The following PRELID2 variants were observed in gnomAD, a reference collection of about 807,000 sequenced individuals.
PRELID2 encodes the protein PRELI domain containing 2.
A neutral mutation model predicts 28.4 loss-of-function variants in PRELID2; 25 were observed. That is an observed-to-expected ratio of 0.88 (90% CI 0.64 to 1.23). PRELID2 has a LOEUF of 1.23. Among genes scored for constraint, PRELID2 ranks in the 50% most tolerant of loss-of-function variants. PRELID2 has a pLI of 0.00. For missense variants in PRELID2, 201 were observed against 214.4 expected, an observed-to-expected ratio of 0.94 and a Z score of 0.39; for synonymous variants, 76 against 71.6, an observed-to-expected ratio of 1.06 and a Z score of -0.31.
chr5:145,240,050 G>A, the PRELID2 span, among the ~76,000 whole-genome samples: 1 of 151,904 alleles, frequency 6.6e-6, no homozygotes, highest in African/African-American at 2.4e-5. Context: ...TGACAACAAG[G>A]TTGCGTCTTT....
At chr5:145,619,146 C>G (rs754104090) in intron 1 of PRELID2, among the ~76,000 whole-genome samples, 3 of 152,204 alleles carry the variant, frequency 2.0e-5, no homozygotes, top group African/African-American at 4.8e-5. Flanking sequence ...GTTCTTCCCC[C>G]ACGTGTGGAG....
At chr5:145,715,065 G>T (rs572442860) in intron 1 of PRELID2, among the ~76,000 whole-genome samples, 17 of 152,196 alleles carry the variant, frequency 1.1e-4, no homozygotes, top group African/African-American at 3.9e-4. Context: ...CTGTATTAAA[G>T]ACTTCAAAAT....
the PRELID2 span, among the ~76,000 whole-genome samples, chr5:145,366,018 C>A: frequency 6.6e-6 from 1 of 151,838 alleles, no homozygotes; most frequent in Non-Finnish European, 1.5e-5. Flanking sequence ...TTTTCTATTT[C>A]TAAAATAGAT....
At chr5:145,254,756 T>C in the PRELID2 span, among the ~76,000 whole-genome samples, 1 of 152,126 alleles carries the variant, frequency 6.6e-6, no homozygotes, top group Admixed American at 6.6e-5. Context: ...TTTTGAACCT[T>C]ACATATAATT....
chr5:145,531,579 G>A (rs141191209), intron 1 of PRELID2, among the ~76,000 whole-genome samples: 18 of 152,242 alleles, frequency 1.2e-4, no homozygotes, highest in African/African-American at 4.1e-4. Flanking sequence ...AGGAGAACAG[G>A]AAAGACAAGG....
intron 1 of PRELID2, among the ~76,000 whole-genome samples, chr5:145,705,994 T>C (rs541264757): frequency 2.6e-5 from 4 of 151,144 alleles, no homozygotes; most frequent in African/African-American, 9.8e-5. Flanking sequence ...TGATTCAAAA[T>C]GTTAGAAAGA....
intron 1 of PRELID2, among the ~76,000 whole-genome samples, chr5:145,629,048 A>G (rs1753896234): frequency 6.6e-6 from 1 of 152,180 alleles, no homozygotes; most frequent in South Asian, 2.1e-4. Flanking sequence ...AAGAGTAAAA[A>G]TTAGTGTTTT....
chr5:145,617,973 T>A (rs751151969), intron 1 of PRELID2, among the ~76,000 whole-genome samples: 3 of 152,168 alleles, frequency 2.0e-5, no homozygotes, highest in Non-Finnish European at 4.4e-5. Context: ...CCTCAGGTGA[T>A]CCACCCACCT....
chr5:145,307,424 T>C, the PRELID2 span, among the ~76,000 whole-genome samples: 2 of 152,294 alleles, frequency 1.3e-5, no homozygotes, highest in African/African-American at 4.8e-5. Context: ...TGATTACACT[T>C]GTTGAAGACC....
At chr5:145,801,093 G>A (rs1753107806) in intron 4 of PRELID2, among the ~76,000 whole-genome samples, 1 of 151,994 alleles carries the variant, frequency 6.6e-6, no homozygotes, top group South Asian at 2.1e-4. Flanking sequence ...TACTTGCTTT[G>A]GTCTTCTTTT....
chr5:145,817,316 T>C (rs1754418696), intron 4 of PRELID2, among the ~76,000 whole-genome samples: 1 of 142,826 alleles, frequency 7.0e-6, no homozygotes, highest in African/African-American at 2.5e-5. Flanking sequence ...ATATTGTTTG[T>C]AAAAAAGAAC....
At chr5:145,823,555 A>G (rs1309021609) in intron 1 of PRELID2, among the ~76,000 whole-genome samples, 2 of 152,172 alleles carry the variant, frequency 1.3e-5, no homozygotes, top group Non-Finnish European at 2.9e-5. Flanking sequence ...CCCATCTTTC[A>G]GATACGGAAA....
chr5:145,784,080 G>C (rs370725854), intron 5 of PRELID2, among the ~76,000 whole-genome samples: 1 of 152,178 alleles, frequency 6.6e-6, no homozygotes, highest in Admixed American at 6.5e-5. Context: ...CCACAGGTCC[G>C]ATACCAGCCT....
intron 1 of PRELID2, among the ~76,000 whole-genome samples, chr5:145,748,598 A>T (rs1017775949): frequency 2.6e-5 from 4 of 152,166 alleles, no homozygotes; most frequent in African/African-American, 9.6e-5. Flanking sequence ...TACCATTGAC[A>T]TTCTTCACAG....
Position 145,821,923 on chromosome 5 carries a change from G to T in PRELID2, c.133+1154C>A, listed in dbSNP as rs116371787. Among the ~76,000 whole-genome samples, 902 of 152,300 alleles carry T rather than the reference G, an allele frequency of 5.9e-3. 10 individuals are homozygous for T. The highest frequency in any genetic ancestry group is 0.019 in the African/African-American group (782 of 41,568). On this transcript the variant is annotated intron_variant, in intron 2 of 6. Transcript: ENST00000683046. The stretch of plus-strand genomic sequence containing the variant: ...AAAGTTGGGTCACCAAGGTAGTAAT[G>T]AAATCAAGATTTGAAATCCAGTTTG...
chr5:145,376,548 G>A, the PRELID2 span, among the ~76,000 whole-genome samples: 1 of 151,912 alleles, frequency 6.6e-6, no homozygotes, highest in African/African-American at 2.4e-5. Context: ...TAGTTTGTAG[G>A]CTATTACTGA....
At chr5:145,831,075 A>G (rs148820294) in intron 1 of PRELID2, among the ~76,000 whole-genome samples, 1 of 152,236 alleles carries the variant, frequency 6.6e-6, no homozygotes, top group Non-Finnish European at 1.5e-5. Context: ...TAAAGACTGA[A>G]AGAAAAATAA....
intron 1 of PRELID2, among the ~76,000 whole-genome samples, chr5:145,614,575 A>AT (rs1188552883): frequency 6.8e-6 from 1 of 146,894 alleles, no homozygotes; most frequent in African/African-American, 2.6e-5. Context: ...TATTTTTATT[A>AT]CTTTTTTTTG....
At chr5:145,824,788 A>T (rs906429720) in intron 1 of PRELID2, among the ~76,000 whole-genome samples, 1 of 152,116 alleles carries the variant, frequency 6.6e-6, no homozygotes, top group African/African-American at 2.4e-5. Context: ...AGCAACCTCA[A>T]TATCTCTTCA....
Sources: allele counts gnomAD v4.1 joint callset (sites outside exome capture counted in the v4.1 genomes callset), GRCh38; gene constraint gnomAD v4.1.1; transcripts MANE v1.5; gene names NCBI Gene and HGNC (gene_info 2026-07-23, HGNC 2026-07-21).